The following SMIM35 variants were observed in gnomAD, a reference collection of about 807,000 sequenced individuals.
SMIM35 encodes the protein small integral membrane protein 35.
chr11:118,017,488 C>A (rs1473888628), intron 1 of SMIM35, among the ~76,000 whole-genome samples: 1 of 151,878 alleles, frequency 6.6e-6, no homozygotes, highest in Non-Finnish European at 1.5e-5. Context: ...GGGAGACAGG[C>A]AATAAACTAA....
intron 1 of SMIM35, among the ~76,000 whole-genome samples, chr11:118,020,086 T>A (rs1341291397): frequency 2.0e-5 from 3 of 152,106 alleles, no homozygotes; most frequent in Non-Finnish European, 4.4e-5. Context: ...GTCAACATGG[T>A]GAAACCCCAT....
chr11:118,075,409 C>A (rs773669122), intron 1 of SMIM35, among the ~76,000 whole-genome samples: 1 of 152,214 alleles, frequency 6.6e-6, no homozygotes, highest in African/African-American at 2.4e-5. Flanking sequence ...TACACAGATC[C>A]GGTATTCCTC....
intron 1 of SMIM35, among the ~76,000 whole-genome samples, chr11:118,055,457 T>A (rs4938472): frequency 0.25 from 37,508 of 152,196 alleles, 5,320 homozygotes; most frequent in Non-Finnish European, 0.32. Flanking sequence ...TGCCACCTCC[T>A]ACCAAGACAT....
chr11:118,048,644 A>G (rs1272185210), intron 1 of SMIM35, among the ~76,000 whole-genome samples: 1 of 151,916 alleles, frequency 6.6e-6, no homozygotes, highest in Non-Finnish European at 1.5e-5. Flanking sequence ...GAAAGAGAGA[A>G]AGAAAGAAAG....
intron 1 of SMIM35, among the ~76,000 whole-genome samples, chr11:118,065,366 A>T (rs746458447): frequency 2.6e-5 from 4 of 152,214 alleles, no homozygotes; most frequent in Non-Finnish European, 5.9e-5. Flanking sequence ...CAAAAGTGAA[A>T]TATAGAGAGT....
chr11:118,006,901 A>T (rs1419484599), intron 4 of SMIM35, among the ~76,000 whole-genome samples: 1 of 152,204 alleles, frequency 6.6e-6, no homozygotes, highest in African/African-American at 2.4e-5. Context: ...TGGTCAAGAG[A>T]CAAGGCAAAG....
intron 1 of SMIM35, among the ~76,000 whole-genome samples, chr11:118,016,177 G>A (rs1304803419): frequency 6.6e-6 from 1 of 152,116 alleles, no homozygotes; most frequent in South Asian, 2.1e-4. Context: ...CACCTGGAGG[G>A]TCCAAGAACA....
At chr11:118,067,413 A>T (rs999552857) in intron 1 of SMIM35, 2 of 152,248 alleles carry the variant, frequency 1.3e-5, no homozygotes, top group Non-Finnish European at 2.9e-5. Flanking sequence ...TGGTTGCCTA[A>T]GGTAGGGTGA....
chr11:118,013,634 A>T (rs1285238165), intron 4 of SMIM35, 114 bp downstream of exon 4: 1 of 393,052 alleles, frequency 2.5e-6, no homozygotes, highest in African/African-American at 2.1e-5. Context: ...GGATGAACCA[A>T]ATAATCTCTT....
intron 4 of SMIM35, among the ~76,000 whole-genome samples, chr11:118,012,112 C>T (rs2058153571): frequency 6.6e-6 from 1 of 152,210 alleles, no homozygotes; most frequent in African/African-American, 2.4e-5. Context: ...CTCCTCCTCC[C>T]ACTTGCTCTA....
At chr11:118,031,021 A>G (rs753346866) in intron 1 of SMIM35, among the ~76,000 whole-genome samples, 2 of 152,158 alleles carry the variant, frequency 1.3e-5, no homozygotes, top group Non-Finnish European at 2.9e-5. Context: ...ATCAATATCA[A>G]TATCGATGTT....
rs1156965547 is a variant in SMIM35, at chr11:118,005,600, A to C, written c.*810T>G. ...TGATAAATGGCACCACCTTTCCCCT[A>C]GTTCAGGCCAAAAATCCAGGAGTCA... On this transcript the variant is annotated 3_prime_UTR_variant, in exon 5 of 5. Coordinates refer to ENST00000689828, the MANE Select transcript of SMIM35 (RefSeq NM_001394165.1). 6.6e-6 allele frequency: 1 copy of C among 152,222 alleles called. No individual in the cohort carries two copies. Among genetic ancestry groups the C allele is most frequent in the African/African-American group, 2.4e-5 (1 of 41,374 alleles). The allele number at this position is 152,222 out of a possible 1,614,324, so 9.4% of individuals were successfully genotyped here.
chr11:118,029,699 AC>A (rs1268693369), intron 1 of SMIM35: 1 of 457,300 alleles, frequency 2.2e-6, no homozygotes, highest in Admixed American at 2.3e-5. Flanking sequence ...AATTCATGGA[AC>A]CAGTCTCGTT....
At chr11:118,017,450 G>C (rs908297927) in intron 1 of SMIM35, among the ~76,000 whole-genome samples, 2 of 152,120 alleles carry the variant, frequency 1.3e-5, no homozygotes, top group African/African-American at 4.8e-5. Context: ...AGAGAGACAG[G>C]GAAGTCATAG....
At chr11:118,041,093 A>G (rs1943992996) in intron 1 of SMIM35, among the ~76,000 whole-genome samples, 1 of 152,202 alleles carries the variant, frequency 6.6e-6, no homozygotes, top group Admixed American at 6.5e-5. Context: ...TAAGATGTAC[A>G]TGGTAAATCC....
intron 1 of SMIM35, among the ~76,000 whole-genome samples, chr11:118,066,073 C>T (rs1167356129): frequency 1.3e-5 from 2 of 151,890 alleles, no homozygotes; most frequent in Non-Finnish European, 2.9e-5. Flanking sequence ...CAGGACCCCC[C>T]GGACGTACGA....
intron 1 of SMIM35, among the ~76,000 whole-genome samples, chr11:118,086,133 C>T (rs1040963512): frequency 5.3e-5 from 8 of 152,220 alleles, no homozygotes; most frequent in African/African-American, 1.7e-4. Context: ...AAAGCATAAG[C>T]GCTGTGCCTC....
intron 1 of SMIM35, among the ~76,000 whole-genome samples, chr11:118,026,472 T>C (rs944375395): frequency 1.3e-5 from 2 of 152,236 alleles, no homozygotes; most frequent in Admixed American, 6.5e-5. Flanking sequence ...CAAACAGATA[T>C]ATTATCTTGG....
intron 1 of SMIM35, among the ~76,000 whole-genome samples, chr11:118,044,516 C>G (rs147103386): frequency 1.3e-5 from 2 of 151,990 alleles, no homozygotes; most frequent in African/African-American, 4.8e-5. Flanking sequence ...AAAGTTCCTT[C>G]TAGGATGGGT....
Sources: allele counts gnomAD v4.1 joint callset (sites outside exome capture counted in the v4.1 genomes callset), GRCh38; gene constraint gnomAD v4.1.1; transcripts MANE v1.5; gene names NCBI Gene and HGNC (gene_info 2026-07-23, HGNC 2026-07-21).